NLGN1: variants seen among roughly 807,000 people sequenced by gnomAD.
The protein encoded by NLGN1 is neuroligin 1.
Under a neutral mutation model 65.5 loss-of-function variants are expected in NLGN1, and 12 were observed. The ratio of observed to expected loss-of-function variants is 0.18; its 90% CI spans 0.12 to 0.30. The LOEUF (loss-of-function observed/expected upper bound fraction) is 0.30, where lower values mean the gene tolerates loss of function less well. NLGN1 is among the 10% of genes least tolerant of loss of function. NLGN1 has a pLI of 1.00. For missense variants in NLGN1, 750 were observed against 1,007.1 expected, an observed-to-expected ratio of 0.74 and a Z score of 3.46; for synonymous variants, 350 against 359.5, an observed-to-expected ratio of 0.97 and a Z score of 0.30.
chr3:174,212,928 C>T (rs1364631393), intron 4 of NLGN1, among the ~76,000 whole-genome samples: 1 of 152,176 alleles, frequency 6.6e-6, no homozygotes, highest in African/African-American at 2.4e-5. Context: ...CATATCATAC[C>T]GCTCTGACCT....
chr3:173,929,030 C>T (rs1743551296), intron 4 of NLGN1, among the ~76,000 whole-genome samples: 1 of 152,100 alleles, frequency 6.6e-6, no homozygotes, highest in African/African-American at 2.4e-5. Flanking sequence ...TATTATAAAT[C>T]CTATTCTTGT....
intron 4 of NLGN1, among the ~76,000 whole-genome samples, chr3:174,239,269 A>G (rs1416135354): frequency 6.6e-6 from 1 of 152,000 alleles, no homozygotes; most frequent in Non-Finnish European, 1.5e-5. Context: ...GACTTTCACC[A>G]TGTTGGCCAA....
intron 3 of NLGN1, among the ~76,000 whole-genome samples, chr3:173,623,282 C>T (rs906866897): frequency 2.0e-5 from 3 of 151,214 alleles, no homozygotes; most frequent in Non-Finnish European, 4.4e-5. Flanking sequence ...TCAAGGAGTT[C>T]AGTCTGATTG....
At chr3:173,814,016 A>G (rs1718509597) in intron 4 of NLGN1, among the ~76,000 whole-genome samples, 1 of 152,236 alleles carries the variant, frequency 6.6e-6, no homozygotes, top group Admixed American at 6.5e-5. Flanking sequence ...CAGCTGGGGA[A>G]CAAAAGCGGC....
At chr3:174,218,959 C>G (rs944818608) in intron 4 of NLGN1, among the ~76,000 whole-genome samples, 6 of 151,952 alleles carry the variant, frequency 3.9e-5, no homozygotes, top group African/African-American at 1.2e-4. Flanking sequence ...CAGAACAGTC[C>G]TGATTTATGT....
chr3:174,218,640 G>GACTTT (rs1387021923), intron 4 of NLGN1, among the ~76,000 whole-genome samples: 1 of 152,022 alleles, frequency 6.6e-6, no homozygotes, highest in Non-Finnish European at 1.5e-5. Flanking sequence ...GGGCTAAAGT[G>GACTTT]ACCCTTTAAA....
intron 4 of NLGN1, among the ~76,000 whole-genome samples, chr3:174,114,652 C>T (rs557895793): frequency 6.6e-6 from 1 of 152,076 alleles, no homozygotes; most frequent in East Asian, 1.9e-4. Context: ...TGATTTTGCT[C>T]GCATAACTTC....
intron 3 of NLGN1, among the ~76,000 whole-genome samples, chr3:173,740,259 CAGTT>C (rs563808173): frequency 1.7e-3 from 261 of 152,094 alleles, no homozygotes; most frequent in African/African-American, 5.9e-3. Context: ...TGGAACGAGA[CAGTT>C]AGTTAGAAGG....
intron 3 of NLGN1, among the ~76,000 whole-genome samples, chr3:173,611,372 A>G (rs3844524): frequency 0.83 from 125,356 of 151,874 alleles, 51,913 homozygotes; most frequent in Admixed American, 0.87. Flanking sequence ...CCTTTGAAAG[A>G]GTTATTTTAG....
intron 3 of NLGN1, among the ~76,000 whole-genome samples, chr3:173,710,926 C>T (rs1282990810): frequency 6.6e-6 from 1 of 152,146 alleles, no homozygotes; most frequent in Non-Finnish European, 1.5e-5. Context: ...CCAGTTAGAA[C>T]AATTTTAAAG....
intron 2 of NLGN1, among the ~76,000 whole-genome samples, chr3:173,506,971 GCA>G (rs1273334872): frequency 6.6e-6 from 1 of 152,134 alleles, no homozygotes; most frequent in Non-Finnish European, 1.5e-5. Flanking sequence ...AAATGGTTGT[GCA>G]AGTGTCTTGC....
chr3:174,088,805 T>A (rs565539496), intron 4 of NLGN1, among the ~76,000 whole-genome samples: 43 of 144,170 alleles, frequency 3.0e-4, no homozygotes, highest in Middle Eastern at 7.4e-3. Flanking sequence ...AATAAATAAA[T>A]AAAACTAGAT....
chr3:173,703,377 A>T, intron 3 of NLGN1, among the ~76,000 whole-genome samples: 1 of 152,154 alleles, frequency 6.6e-6, no homozygotes, highest in East Asian at 1.9e-4. Context: ...AATAATTTTT[A>T]AAAATTGGTA....
At chr3:173,945,927 G>C (rs1465491802) in intron 4 of NLGN1, among the ~76,000 whole-genome samples, 1 of 152,152 alleles carries the variant, frequency 6.6e-6, no homozygotes, top group Non-Finnish European at 1.5e-5. Flanking sequence ...GGTATCTCCA[G>C]GCTGTCAGGG....
chr3:174,255,357 AC>A (rs1745494412), intron 4 of NLGN1, among the ~76,000 whole-genome samples: 1 of 142,376 alleles, frequency 7.0e-6, no homozygotes, highest in South Asian at 2.3e-4. Flanking sequence ...AAGGCCATGA[AC>A]CTGGGAGGCG....
At chr3:174,263,084 TGAG>T (rs1330672779) in intron 4 of NLGN1, among the ~76,000 whole-genome samples, 17 of 146,176 alleles carry the variant, frequency 1.2e-4, no homozygotes, top group Non-Finnish European at 1.8e-4. Flanking sequence ...TTACATTTGC[TGAG>T]GAGAGCTTTA....
Position 173,548,315 on chromosome 3 carries a change from G to A in NLGN1, c.-320-55964G>A, listed in dbSNP as rs145046584. Among the ~76,000 whole-genome samples the A allele has an allele frequency of 5.3e-3, 799 of 152,168 alleles. 6 individuals carry two copies. Among genetic ancestry groups the A allele is most frequent in the African/African-American group, 0.018 (742 of 41,544 alleles). On this transcript the variant is annotated intron_variant, in intron 2 of 6. Coordinates refer to ENST00000457714, the Ensembl canonical transcript of NLGN1. ...TTGATGACATTTGACCAAGGCAGACGAAGATACAAAAACCTATGTAAAATG... is the reference window on the plus strand; with the variant it reads ...TTGATGACATTTGACCAAGGCAGACAAAGATACAAAAACCTATGTAAAATG...
At chr3:173,693,660 C>T (rs1765784606) in intron 3 of NLGN1, among the ~76,000 whole-genome samples, 1 of 151,810 alleles carries the variant, frequency 6.6e-6, no homozygotes, top group Non-Finnish European at 1.5e-5. Flanking sequence ...ATTGGCTATA[C>T]AGCAGACTAA....
At chr3:173,828,196 A>G (rs941913786) in intron 4 of NLGN1, among the ~76,000 whole-genome samples, 1 of 152,188 alleles carries the variant, frequency 6.6e-6, no homozygotes, top group African/African-American at 2.4e-5. Flanking sequence ...TGTATATAAT[A>G]GCATAATTTG....
Sources: allele counts gnomAD v4.1 joint callset (sites outside exome capture counted in the v4.1 genomes callset), GRCh38; gene constraint gnomAD v4.1.1; transcripts MANE v1.5; gene names NCBI Gene and HGNC (gene_info 2026-07-23, HGNC 2026-07-21).